MCM5: variants seen among roughly 807,000 people sequenced by gnomAD.
The protein encoded by MCM5 is DNA replication licensing factor MCM5.
In MCM5, 46 loss-of-function variants were observed where a neutral mutation model predicts 79.9. That is an observed-to-expected ratio of 0.58 (90% CI 0.45 to 0.74). The LOEUF (loss-of-function observed/expected upper bound fraction) is 0.74. MCM5 is among the 30% of genes least tolerant of loss of function. MCM5 has a pLI of 0.00. For synonymous variants in MCM5, 404 were observed against 390.5 expected, an observed-to-expected ratio of 1.03 and a Z score of -0.41; for missense variants, 883 against 1,017.0, an observed-to-expected ratio of 0.87 and a Z score of 1.79.
chr22:35,439,503 A>G, the MCM5 span, among the ~76,000 whole-genome samples: 1 of 141,658 alleles, frequency 7.1e-6, no homozygotes, highest in East Asian at 2.0e-4. Flanking sequence ...ACCCGCCCAC[A>G]TATTCATCCA....
At chr22:35,430,122 G>C (rs1259526038), downstream of MCM5, among the ~76,000 whole-genome samples, 1 of 152,184 alleles carries the variant, frequency 6.6e-6, no homozygotes, top group Admixed American at 6.5e-5. Flanking sequence ...AGCGTTCACT[G>C]GTATTGAGCA....
the MCM5 span, among the ~76,000 whole-genome samples, chr22:35,436,164 C>CA: frequency 0.32 from 19,503 of 60,602 alleles, 1,980 homozygotes; most frequent in Non-Finnish European, 0.35. Flanking sequence ...AACTCAGTCT[C>CA]AAAAAAAAAA....
At chr22:35,423,942 C>T (rs1932752728) in intron 16 of MCM5, 2 of 529,108 alleles carry the variant, frequency 3.8e-6, no homozygotes, top group East Asian at 3.3e-5. Flanking sequence ...GGACTTAAGT[C>T]CCAGCTCTAC....
At chr22:35,425,772 G>T (rs545252432), downstream of MCM5, among the ~76,000 whole-genome samples, 1 of 151,984 alleles carries the variant, frequency 6.6e-6, no homozygotes, top group South Asian at 2.1e-4. Flanking sequence ...CTTGTTCATG[G>T]AGTGTGGAAC....
chr22:35,453,772 T>G, the MCM5 span, among the ~76,000 whole-genome samples: 1 of 130,798 alleles, frequency 7.6e-6, no homozygotes, highest in African/African-American at 3.0e-5. Flanking sequence ...GAGGGACAAA[T>G]ATAGGAAGAC....
chr22:35,453,192 G>A, the MCM5 span, among the ~76,000 whole-genome samples: 3 of 152,344 alleles, frequency 2.0e-5, no homozygotes, highest in East Asian at 5.8e-4. Flanking sequence ...CCTCCCTGCA[G>A]ACACGCAGCC....
intron 14 of MCM5, among the ~76,000 whole-genome samples, chr22:35,420,447 C>G (rs1457366643): frequency 6.6e-6 from 1 of 152,210 alleles, no homozygotes; most frequent in Non-Finnish European, 1.5e-5. Flanking sequence ...TGGGATTTAC[C>G]TGGTTTGAAT....
chr22:35,438,363 A>G, the MCM5 span, among the ~76,000 whole-genome samples: 1 of 112,006 alleles, frequency 8.9e-6, no homozygotes, highest in Non-Finnish European at 1.9e-5. Context: ...ACCCACCCAC[A>G]TATTTATCCA....
chr22:35,408,299 C>T, intron 5 of MCM5, 109 bp from the exon 6 acceptor site: 1 of 988,152 alleles, frequency 1.0e-6, no homozygotes, highest in East Asian at 2.5e-5. Flanking sequence ...TCTGGAGACC[C>T]CCATAAATTG....
At chr22:35,432,667 C>T in the MCM5 span, among the ~76,000 whole-genome samples, 644 of 152,308 alleles carry the variant, frequency 4.2e-3, 5 homozygotes, top group African/African-American at 0.014. Context: ...TCAGCCCCTT[C>T]GGCAACTCCA....
Position 35,424,469 on chromosome 22 carries a change from T to A in MCM5, c.*214T>A. The A allele has an allele frequency of 2.0e-6, 1 of 501,352 alleles. No homozygotes were observed. Among genetic ancestry groups the A allele is most frequent in the Non-Finnish European group, 3.5e-6 (1 of 283,942 alleles). The allele number at this position is 501,352 out of a possible 1,614,324, so 31.1% of individuals were successfully genotyped here. ...GGTTCTGGGAAGTGTGCTTTTGGCA[T>A]CCGTTAATAATAAAGCCACGGTGTG... On this transcript the variant is annotated 3_prime_UTR_variant, in exon 17 of 17. Coordinates refer to ENST00000216122, the MANE Select transcript of MCM5 (RefSeq NM_006739.4).
chr22:35,440,724 A>G, the MCM5 span, among the ~76,000 whole-genome samples: 1 of 152,178 alleles, frequency 6.6e-6, no homozygotes, highest in African/African-American at 2.4e-5. Context: ...GGAGGCAGGC[A>G]TGCATCTTCT....
chr22:35,418,720 C>T (rs967722922), intron 13 of MCM5, among the ~76,000 whole-genome samples: 1 of 151,882 alleles, frequency 6.6e-6, no homozygotes, highest in African/African-American at 2.4e-5. Flanking sequence ...CTCACTCTTA[C>T]ACACTACTTT....
the MCM5 span, among the ~76,000 whole-genome samples, chr22:35,449,169 G>A: frequency 3.3e-5 from 5 of 152,160 alleles, no homozygotes; most frequent in Non-Finnish European, 7.4e-5. Context: ...TCCCTGAGGC[G>A]TCTGCTTCTC....
At chr22:35,454,731 C>CA in the MCM5 span, among the ~76,000 whole-genome samples, 1,618 of 152,354 alleles carry the variant, frequency 0.011, 34 homozygotes, top group African/African-American at 0.037. Context: ...ATCATGGATG[C>CA]AAAATGTCTC....
chr22:35,412,872 G>A (rs1338026220), intron 8 of MCM5, among the ~76,000 whole-genome samples, 191 bp downstream of exon 8: 3 of 152,146 alleles, frequency 2.0e-5, no homozygotes, highest in African/African-American at 2.4e-5. Flanking sequence ...CTGTCTCAGC[G>A]ATGCCCTGAC....
chr22:35,426,435 C>T (rs777383889), downstream of MCM5, among the ~76,000 whole-genome samples: 9 of 152,124 alleles, frequency 5.9e-5, no homozygotes, highest in Non-Finnish European at 1.3e-4. Flanking sequence ...AGGGGGGGAG[C>T]TGGATTCCCG....
chr22:35,430,946 A>C, the MCM5 span, among the ~76,000 whole-genome samples: 2 of 151,242 alleles, frequency 1.3e-5, no homozygotes, highest in Non-Finnish European at 2.9e-5. Context: ...GAATGAGGGC[A>C]CTCCTCTCCA....
the MCM5 span, among the ~76,000 whole-genome samples, chr22:35,436,998 A>G: frequency 8.6e-6 from 1 of 116,094 alleles, no homozygotes; most frequent in Non-Finnish European, 2.1e-5. Flanking sequence ...CCTTCAGAGG[A>G]CATGAGGAGG....
Sources: allele counts gnomAD v4.1 joint callset (sites outside exome capture counted in the v4.1 genomes callset), GRCh38; gene constraint gnomAD v4.1.1; transcripts MANE v1.5; gene names NCBI Gene and HGNC (gene_info 2026-07-23, HGNC 2026-07-21).